ST6GALNAC3: variants seen among roughly 807,000 people sequenced by gnomAD.
The protein encoded by ST6GALNAC3 is alpha-N-acetylgalactosaminide alpha-2,6-sialyltransferase 3.
A neutral mutation model predicts 32.7 loss-of-function variants in ST6GALNAC3; 25 were observed. The observed-to-expected ratio is 0.76, with a 90% confidence interval of 0.56 to 1.07. ST6GALNAC3 has a LOEUF of 1.07. Ranked by LOEUF, ST6GALNAC3 falls within the 50% of genes least tolerant of loss-of-function variation. The probability of loss-of-function intolerance (pLI) is 0.00; values close to 1 mark genes in which losing one functional copy is unlikely to be tolerated. For synonymous variants in ST6GALNAC3, 129 were observed against 133.1 expected (o/e 0.97, Z 0.21); for missense variants, 355 against 382.4 (o/e 0.93, Z 0.60).
chr1:76,424,880 G>T (rs945320120), intron 3 of ST6GALNAC3, among the ~76,000 whole-genome samples: 1 of 151,888 alleles, frequency 6.6e-6, no homozygotes, highest in Non-Finnish European at 1.5e-5. Flanking sequence ...TTTCTAAAGA[G>T]ATTTTTGTTT....
intron 3 of ST6GALNAC3, among the ~76,000 whole-genome samples, chr1:76,590,681 A>C (rs1647033730): frequency 2.0e-5 from 3 of 152,210 alleles, no homozygotes; most frequent in Admixed American, 1.3e-4. Context: ...ATTTATTTAA[A>C]GTTGTAAATT....
intron 3 of ST6GALNAC3, among the ~76,000 whole-genome samples, chr1:76,452,169 T>A (rs1657453621): frequency 6.6e-6 from 1 of 152,144 alleles, no homozygotes; most frequent in South Asian, 2.1e-4. Context: ...GCAGGTCTTT[T>A]ACATGCTGGT....
intron 2 of ST6GALNAC3, among the ~76,000 whole-genome samples, chr1:76,334,451 T>C (rs1400080289): frequency 6.6e-6 from 1 of 152,220 alleles, no homozygotes; most frequent in Admixed American, 6.5e-5. Context: ...ATTAAATGCA[T>C]ACTACATGCA....
At chr1:76,356,835 C>G (rs1320880573) in intron 2 of ST6GALNAC3, among the ~76,000 whole-genome samples, 4 of 152,186 alleles carry the variant, frequency 2.6e-5, no homozygotes, top group Non-Finnish European at 5.9e-5. Context: ...TTCTCCCTCT[C>G]TTTGAGCCAT....
chr1:76,495,716 A>G (rs1660810575), intron 3 of ST6GALNAC3, among the ~76,000 whole-genome samples: 1 of 152,212 alleles, frequency 6.6e-6, no homozygotes, highest in Non-Finnish European at 1.5e-5. Context: ...CGAAAATTGT[A>G]TATTTAATTG....
chr1:76,619,827 A>G (rs1648525300), intron 3 of ST6GALNAC3, among the ~76,000 whole-genome samples: 1 of 152,232 alleles, frequency 6.6e-6, no homozygotes, highest in Non-Finnish European at 1.5e-5. Context: ...GTACAACATC[A>G]CAGGCCATTC....
At chr1:76,536,723 C>A (rs973501007) in intron 3 of ST6GALNAC3, among the ~76,000 whole-genome samples, 29 of 130,316 alleles carry the variant, frequency 2.2e-4, no homozygotes, top group Non-Finnish European at 3.4e-4. Flanking sequence ...TTTAAACCAA[C>A]AAAGATCAAA....
At chr1:76,373,131 T>C (rs1650964666) in intron 2 of ST6GALNAC3, among the ~76,000 whole-genome samples, 1 of 152,076 alleles carries the variant, frequency 6.6e-6, no homozygotes, top group Admixed American at 6.6e-5. Context: ...GTAACAGGAA[T>C]GACACCACAC....
intron 2 of ST6GALNAC3, among the ~76,000 whole-genome samples, chr1:76,377,460 C>CAG (rs112217624): frequency 3.9e-3 from 573 of 147,704 alleles, no homozygotes; most frequent in Non-Finnish European, 3.8e-3. Context: ...CTTCACAGGG[C>CAG]AGAGAGAGAG....
At chr1:76,520,421 C>A (rs1256029314) in intron 3 of ST6GALNAC3, among the ~76,000 whole-genome samples, 2 of 152,030 alleles carry the variant, frequency 1.3e-5, no homozygotes, top group African/African-American at 4.8e-5. Flanking sequence ...ACATTGAGGT[C>A]AGCTGCTCTG....
chr1:76,184,512 C>T (rs1653408629), intron 1 of ST6GALNAC3, among the ~76,000 whole-genome samples: 1 of 139,968 alleles, frequency 7.1e-6, no homozygotes, highest in African/African-American at 2.7e-5. Context: ...GCATTCCCTC[C>T]TGGGCAGCAC....
At chr1:76,441,097 A>AAAAT (rs1051924795) in intron 3 of ST6GALNAC3, among the ~76,000 whole-genome samples, 1 of 138,084 alleles carries the variant, frequency 7.2e-6, no homozygotes, top group Non-Finnish European at 1.5e-5. Flanking sequence ...CCAAAAAAAA[A>AAAAT]AAAAAAAAAA....
intron 3 of ST6GALNAC3, among the ~76,000 whole-genome samples, chr1:76,424,255 G>T (rs1292081695): frequency 6.6e-6 from 1 of 151,848 alleles, no homozygotes; most frequent in Non-Finnish European, 1.5e-5. Context: ...TTACTCATCT[G>T]ACAGCTCGCC....
chr1:76,378,389 C>T (rs541441859), intron 2 of ST6GALNAC3, among the ~76,000 whole-genome samples: 6 of 152,136 alleles, frequency 3.9e-5, no homozygotes, highest in Admixed American at 1.3e-4. Flanking sequence ...AGGCTGAGCA[C>T]GGTAGCTCAC....
intron 2 of ST6GALNAC3, among the ~76,000 whole-genome samples, chr1:76,366,919 G>A (rs942782563): frequency 1.3e-5 from 2 of 152,174 alleles, no homozygotes; most frequent in Admixed American, 1.3e-4. Context: ...AGTCTTTGTT[G>A]TAAGTATTAA....
chr1:76,616,798 G>T (rs911302751), intron 3 of ST6GALNAC3, among the ~76,000 whole-genome samples: 4 of 152,034 alleles, frequency 2.6e-5, no homozygotes, highest in Non-Finnish European at 4.4e-5. Flanking sequence ...TTTTCCTATT[G>T]AAAATAAATA....
intron 3 of ST6GALNAC3, among the ~76,000 whole-genome samples, chr1:76,462,171 T>C (rs1658321928): frequency 6.6e-6 from 1 of 151,998 alleles, no homozygotes; most frequent in South Asian, 2.1e-4. Flanking sequence ...TTTACCTCTG[T>C]ATCTTCAAGA....
At chr1:76,402,199 A>G (rs758382336) in intron 2 of ST6GALNAC3, among the ~76,000 whole-genome samples, 2 of 152,206 alleles carry the variant, frequency 1.3e-5, no homozygotes, top group Non-Finnish European at 2.9e-5. Flanking sequence ...AGGCGTACTT[A>G]TAGTACAGCT....
At chr1:76,242,351 TAGC>T (rs1657013835) in intron 1 of ST6GALNAC3, among the ~76,000 whole-genome samples, 1 of 152,056 alleles carries the variant, frequency 6.6e-6, no homozygotes, top group Admixed American at 6.5e-5. Flanking sequence ...GGGAAGATCT[TAGC>T]GGTCACTGCA....
Sources: gnomAD v4.1 joint callset for allele counts (sites outside exome capture counted in the v4.1 genomes callset) on GRCh38, gnomAD v4.1.1 for gene constraint, MANE v1.5 for transcripts, NCBI Gene and HGNC (gene_info 2026-07-23, HGNC 2026-07-21) for gene names.